Variants in CHN2 observed in about 807,000 individuals in gnomAD.
The protein encoded by CHN2 is beta-chimaerin.
CHN2 carries 35 observed loss-of-function variants against 56.3 expected under a neutral mutation model. The observed-to-expected ratio is 0.62, with a 90% CI of 0.47 to 0.82. CHN2 has a LOEUF of 0.82. Among genes scored for constraint, CHN2 ranks in the 40% least tolerant of loss-of-function variants. The pLI, the probability that CHN2 is intolerant of heterozygous loss-of-function variation, is 0.00. For synonymous variants in CHN2, 210 were observed against 212.8 expected (o/e 0.99, Z 0.12); for missense variants, 491 against 580.5 (o/e 0.85, Z 1.58).
intron 1 of CHN2, among the ~76,000 whole-genome samples, chr7:29,297,618 TTAG>T: frequency 6.6e-6 from 1 of 151,694 alleles, no homozygotes; most frequent in East Asian, 2.0e-4. Context: ...CCGAGGCCTT[TTAG>T]TAGTTTGCAC....
chr7:29,283,738 C>T (rs998279678), intron 1 of CHN2, among the ~76,000 whole-genome samples: 11 of 152,006 alleles, frequency 7.2e-5, no homozygotes, highest in African/African-American at 2.4e-4. Flanking sequence ...CCAGCCTCAG[C>T]CTCCCGAGTA....
At chr7:29,147,995 C>T (rs1340708410) in intron 2 of CHN2, among the ~76,000 whole-genome samples, 2 of 152,186 alleles carry the variant, frequency 1.3e-5, no homozygotes, top group African/African-American at 4.8e-5. Context: ...TCCCACAGGG[C>T]TCTAGTCCAT....
rs544343682 is a variant in CHN2, at chr7:29,294,813, C to T, written c.50-59812C>T. ...ATGTTTTTGTCTTCAAAAATTCCTT[C>T]TCTATTTATGCTTGCTGAAATTCCA... On this transcript the variant is annotated intron_variant, in intron 1 of 12. Transcript: ENST00000222792. 2.0e-5 allele frequency among the ~76,000 whole-genome samples: 3 copies of T among 152,338 alleles called. No individual in the cohort carries two copies. In the East Asian group the frequency reaches 5.8e-4, roughly 29 times the overall value.
intron 11 of CHN2, among the ~76,000 whole-genome samples, chr7:29,508,483 A>G (rs751468114): frequency 4.0e-5 from 6 of 151,090 alleles, no homozygotes; most frequent in East Asian, 2.0e-4. Context: ...TAGTAATGAG[A>G]TGCCTGATGG....
intron 6 of CHN2, among the ~76,000 whole-genome samples, chr7:29,445,593 G>GT (rs1324393329): frequency 6.6e-6 from 1 of 151,952 alleles, no homozygotes; most frequent in African/African-American, 2.4e-5. Flanking sequence ...CAAAAGGACC[G>GT]TTTTTTCTTT....
At chr7:29,244,940 C>T (rs2128812965) in intron 1 of CHN2, among the ~76,000 whole-genome samples, 1 of 152,276 alleles carries the variant, frequency 6.6e-6, no homozygotes, top group East Asian at 1.9e-4. Flanking sequence ...TAGTTCTCTC[C>T]CAGTGTGACC....
intron 1 of CHN2, among the ~76,000 whole-genome samples, chr7:29,282,266 T>C (rs1232494642): frequency 1.3e-5 from 2 of 152,212 alleles, no homozygotes; most frequent in Non-Finnish European, 2.9e-5. Flanking sequence ...TTCAACAGAT[T>C]GTGATTGACA....
Position 29,316,849 on chromosome 7 carries a change from G to A in CHN2, c.50-37776G>A, listed in dbSNP as rs1055859294. On this transcript the variant is annotated intron_variant, in intron 1 of 12. Transcript: ENST00000222792. ...CCTTTTTTGGAGGGTGTGTGGTAGC[G>A]GGGGAATCATGTGGTCCCTGGAACT... Among the ~76,000 whole-genome samples the A allele has an allele frequency of 2.6e-5, 4 of 152,142 alleles. No homozygotes were observed. The South Asian group carries it at 8.3e-4, about 32-fold the overall frequency.
At chr7:29,506,394 T>C (rs1252289338) in intron 10 of CHN2, among the ~76,000 whole-genome samples, 2 of 152,166 alleles carry the variant, frequency 1.3e-5, no homozygotes, top group Non-Finnish European at 2.9e-5. Flanking sequence ...TCCGAGCATT[T>C]TGGGAGGCTG....
intron 1 of CHN2, among the ~76,000 whole-genome samples, chr7:29,220,278 A>AGAGAGAGAGAGAG (rs1554366761): frequency 2.6e-5 from 1 of 37,752 alleles, no homozygotes; most frequent in East Asian, 1.9e-3. Context: ...TTAAAAAAAA[A>AGAGAGAGAGAGAG]AAAGAGAGAG....
At chr7:29,219,004 T>C (rs1469078963) in intron 1 of CHN2, among the ~76,000 whole-genome samples, 1 of 152,106 alleles carries the variant, frequency 6.6e-6, no homozygotes, top group Non-Finnish European at 1.5e-5. Context: ...TAGGTTCTAA[T>C]ACAGACAAGA....
intron 1 of CHN2, among the ~76,000 whole-genome samples, chr7:29,275,452 A>G (rs4722896): frequency 0.59 from 89,992 of 151,980 alleles, 27,077 homozygotes; most frequent in African/African-American, 0.71. Context: ...GTTTTCCCAC[A>G]TGTAAGACTC....
rs1460461678 is a variant in CHN2 at position 29,398,629 on chromosome 7, C to T, written c.290+143C>T. On this transcript the variant is annotated intron_variant, in intron 5 of 12. Coordinates refer to ENST00000222792, the MANE Select transcript of CHN2 (RefSeq NM_004067.4). ...TTTATGTTATGAGGGGGGGGTCCCA[C>T]TCTCTCACCCAGGCTGGAGTGCAGT... is the stretch of plus-strand genomic sequence containing the variant. The T allele has an allele frequency of 9.7e-6, 6 of 617,514 alleles. No homozygotes were observed. The Admixed American group carries it at 1.3e-4, about 13-fold the overall frequency. 38.3% of individuals were successfully genotyped at this position (617,514 alleles called of 1,614,324 possible). A position where few individuals can be genotyped will look rare whatever the true frequency, so the allele number is the denominator to read the frequency against.
chr7:29,151,910 GA>G (rs1793648023), intron 2 of CHN2, among the ~76,000 whole-genome samples: 1 of 152,220 alleles, frequency 6.6e-6, no homozygotes, highest in South Asian at 2.1e-4. Flanking sequence ...CTGGTTGAAG[GA>G]AAGACATTTG....
intron 8 of CHN2, among the ~76,000 whole-genome samples, chr7:29,497,977 G>A (rs1217748955): frequency 6.6e-6 from 1 of 152,036 alleles, no homozygotes; most frequent in Non-Finnish European, 1.5e-5. Context: ...GATGGCCGGT[G>A]GTAGTGGTTG....
intron 6 of CHN2, among the ~76,000 whole-genome samples, chr7:29,440,720 C>T (rs1256269612): frequency 7.2e-6 from 1 of 138,932 alleles, no homozygotes; most frequent in Non-Finnish European, 1.5e-5. Context: ...AAAGAATGCA[C>T]AGAGAGGAAA....
At chr7:29,271,753 A>G (rs3812359) in intron 1 of CHN2, among the ~76,000 whole-genome samples, 22,182 of 152,192 alleles carry the variant, frequency 0.15, 2,358 homozygotes, top group East Asian at 0.46. Flanking sequence ...TTTCTCATCA[A>G]ACATTCTCAT....
chr7:29,350,827 C>T (rs1797820322), intron 1 of CHN2, among the ~76,000 whole-genome samples: 1 of 152,050 alleles, frequency 6.6e-6, no homozygotes, highest in Non-Finnish European at 1.5e-5. Context: ...TCCCACAATG[C>T]GGCCGGGCGA....
intron 1 of CHN2, among the ~76,000 whole-genome samples, chr7:29,205,313 A>T (rs1292014389): frequency 6.6e-6 from 1 of 152,166 alleles, no homozygotes. Context: ...ATGTGGGTTC[A>T]TTGGAACCAC....
Sources: gnomAD v4.1 joint callset for allele counts (sites outside exome capture counted in the v4.1 genomes callset) on GRCh38, gnomAD v4.1.1 for gene constraint, MANE v1.5 for transcripts, NCBI Gene and HGNC (gene_info 2026-07-23, HGNC 2026-07-21) for gene names.